MYO18B: variants seen among roughly 807,000 people sequenced by gnomAD.
MYO18B encodes the protein myosin XVIIIB.
In MYO18B, 204 loss-of-function variants were observed where a neutral mutation model predicts 273.0. That is an observed-to-expected ratio of 0.75 (90% CI 0.67 to 0.84). MYO18B has a LOEUF of 0.84. MYO18B is among the 40% of genes least tolerant of loss of function. The pLI, the probability that MYO18B is intolerant of heterozygous loss-of-function variation, is 0.00. For missense variants in MYO18B, 3,212 were observed against 3,287.6 expected (o/e 0.98, Z 0.56); for synonymous variants, 1,330 against 1,305.7 (o/e 1.02, Z -0.40).
At chr22:25,758,945 G>A (rs975526476) in intron 1 of MYO18B, among the ~76,000 whole-genome samples, 4 of 151,972 alleles carry the variant, frequency 2.6e-5, no homozygotes, top group Non-Finnish European at 4.4e-5. Flanking sequence ...TAGTAGAGAC[G>A]GAGTTTCACC....
At chr22:25,814,146 T>C (rs560931250) in intron 12 of MYO18B, among the ~76,000 whole-genome samples, 1 of 152,220 alleles carries the variant, frequency 6.6e-6, no homozygotes, top group East Asian at 1.9e-4. Context: ...TTAGGACACC[T>C]GCGGGACCCT....
intron 11 of MYO18B, among the ~76,000 whole-genome samples, chr22:25,787,028 A>T (rs896715420): frequency 6.6e-6 from 1 of 152,170 alleles, no homozygotes; most frequent in Non-Finnish European, 1.5e-5. Context: ...AGCCTGGCCA[A>T]CATGGTGAAA....
chr22:25,952,271 C>T lies in MYO18B; in HGVS notation c.5833-15C>T, dbSNP rs188275730. On this transcript the variant is annotated splice_polypyrimidine_tract_variant and intron_variant, in intron 37 of 43. Transcript: ENST00000335473. ...GGGACAACAGATGTCCAATAGACTT[C>T]TCTCATACTTACAGCTGCAGGTGGC... 19 of 1,606,516 alleles carry T rather than the reference C, an allele frequency of 1.2e-5. 1 individual carries two copies. Among genetic ancestry groups the T allele is most frequent in the Middle Eastern group, 1.9e-4 (1 of 5,132 alleles).
intron 39 of MYO18B, among the ~76,000 whole-genome samples, chr22:25,963,400 C>T (rs1001216166): frequency 1.3e-5 from 2 of 151,466 alleles, no homozygotes; most frequent in African/African-American, 4.9e-5. Context: ...TCCTTCCTTC[C>T]CCTGGTGGCT....
chr22:25,819,844 T>A (rs1489405383), intron 12 of MYO18B, among the ~76,000 whole-genome samples: 1 of 151,770 alleles, frequency 6.6e-6, no homozygotes, highest in Non-Finnish European at 1.5e-5. Flanking sequence ...AGATTTTTAA[T>A]CTATAAAATG....
In MYO18B at chr22:26,007,127, G is replaced by A. The variant is rs561417638; in HGVS notation, c.6470+2272G>A. Reference sequence around the variant, plus strand: ...AAGTGCTTGCACCAAGAACAGGGAGGGGGCAGGAGGCAAGGGAGATACTTA... The same window carrying A: ...AAGTGCTTGCACCAAGAACAGGGAGAGGGCAGGAGGCAAGGGAGATACTTA... On this transcript the variant is annotated intron_variant, in intron 42 of 43. Coordinates refer to ENST00000335473, the MANE Select transcript of MYO18B (RefSeq NM_032608.7). 1.1e-4 allele frequency among the ~76,000 whole-genome samples: 17 copies of A among 152,304 alleles called. No homozygotes were observed. In the East Asian group the frequency reaches 3.3e-3, roughly 29 times the overall value.
chr22:25,960,383 T>C (rs989948721), intron 39 of MYO18B, among the ~76,000 whole-genome samples: 1 of 152,106 alleles, frequency 6.6e-6, no homozygotes, highest in Non-Finnish European at 1.5e-5. Flanking sequence ...AAGCTGGAAG[T>C]CCTGATGCTG....
intron 12 of MYO18B, among the ~76,000 whole-genome samples, chr22:25,800,498 G>A (rs2088145297): frequency 6.6e-6 from 1 of 152,198 alleles, no homozygotes; most frequent in African/African-American, 2.4e-5. Context: ...TTTGGGGAAG[G>A]ACCCCAGAAG....
the MYO18B span, among the ~76,000 whole-genome samples, chr22:26,062,427 G>A: frequency 4.6e-5 from 7 of 152,072 alleles, no homozygotes; most frequent in Non-Finnish European, 1.0e-4. Flanking sequence ...TGGCTATCAG[G>A]TATGAAGAAG....
At chr22:26,011,412 G>A (rs990254160) in intron 42 of MYO18B, among the ~76,000 whole-genome samples, 6 of 152,148 alleles carry the variant, frequency 3.9e-5, no homozygotes, top group Admixed American at 6.5e-5. Context: ...GAACATGAAG[G>A]GAGGAGGGGT....
chr22:25,839,716 G>A (rs2090026054), intron 17 of MYO18B, among the ~76,000 whole-genome samples: 1 of 152,174 alleles, frequency 6.6e-6, no homozygotes, highest in African/African-American at 2.4e-5. Flanking sequence ...GTATGATACG[G>A]GCTCAAGAGT....
rs2072004 is a variant in MYO18B at position 25,898,157 on chromosome 22, T to A, written c.4669-150T>A. On this transcript the variant is annotated intron_variant, in intron 28 of 43. Transcript: ENST00000335473. ...AAAAGTAGCTTCCTGGAGGTGACCC[T>A]GGAGGAAGGTAGTCAAGACAGGGTC... 0.14 allele frequency: 111,993 copies of A among 793,666 alleles called. 9,825 individuals are homozygous for A. Among genetic ancestry groups the A allele is most frequent in the East Asian group, 0.33 (11,821 of 35,518 alleles). 49.2% of individuals were successfully genotyped at this position (793,666 alleles called of 1,614,324 possible).
chr22:25,756,436 C>T (rs1399523772), intron 1 of MYO18B: 1 of 152,198 alleles, frequency 6.6e-6, no homozygotes, highest in African/African-American at 2.4e-5. Flanking sequence ...GCTGAGGTCT[C>T]AGCTAGTGAC....
In MYO18B at chr22:25,785,466, C is replaced by G. The variant is rs774041076; in HGVS notation, c.2351C>G (p.Ser784Cys). The change falls in exon 11 of 44, where the codon TCC (serine) becomes TGC (cysteine). Residue 784 changes from serine to cysteine, a missense_variant. Transcript: ENST00000335473. The part of the protein sequence containing the change: ...LNLHQMADSS[S>C]FGMGVWSKPE... ...CTGCACCAGATGGCAGATAGCAGCT[C>G]CTTTGGCATGGGCGTGTGGTCCAAG... 6.2e-7 allele frequency: 1 copy of G among 1,612,300 alleles called. No homozygotes were observed. The highest frequency in any genetic ancestry group is 1.1e-5 in the South Asian group (1 of 90,410).
chr22:25,832,835 C>T (rs928993507), intron 15 of MYO18B, 82 bp from the exon 16 acceptor site: 17 of 1,274,382 alleles, frequency 1.3e-5, no homozygotes, highest in Admixed American at 1.9e-5. Context: ...TGGAAATCCT[C>T]TCCGCTTTTT....
At chr22:26,028,438 G>A (rs16981230) in intron 43 of MYO18B, 16,740 of 152,022 alleles carry the variant, frequency 0.11, 1,133 homozygotes, top group African/African-American at 0.19. Flanking sequence ...CAGAATAGTG[G>A]AGTCCACTTG....
intron 9 of MYO18B, among the ~76,000 whole-genome samples, chr22:25,780,454 G>C (rs1418583685): frequency 6.6e-6 from 1 of 151,900 alleles, no homozygotes; most frequent in Non-Finnish European, 1.5e-5. Flanking sequence ...GCCAAGTGTG[G>C]TGGCAGGTGC....
In MYO18B at chr22:25,878,378, A is replaced by T. The variant is rs117506815; in HGVS notation, c.4314+330A>T. Among the ~76,000 whole-genome samples, 32 of 152,372 alleles carry T rather than the reference A, an allele frequency of 2.1e-4. No individual in the cohort carries two copies. The East Asian group carries it at 6.0e-3, about 28-fold the overall frequency. Reference sequence around the variant, plus strand: ...AAATGATAAATTTGACTATATTAAAATAATGAACTTTTGTTTATCAGGGCA... The same window carrying T: ...AAATGATAAATTTGACTATATTAAATTAATGAACTTTTGTTTATCAGGGCA... On this transcript the variant is annotated intron_variant, in intron 25 of 43. Transcript: ENST00000335473.
chr22:25,952,322 C>T lies in MYO18B; in HGVS notation c.5869C>T (p.Gln1957Ter), dbSNP rs1324080523. 2 of 1,611,638 alleles carry T rather than the reference C, an allele frequency of 1.2e-6. No individual in the cohort carries two copies. Among genetic ancestry groups the T allele is most frequent in the Non-Finnish European group, 1.7e-6 (2 of 1,178,980 alleles). The change falls in exon 38 of 44, where the codon CAG becomes TAG. Residue 1957 changes from glutamine (Q) to a stop codon, truncating the protein, a stop_gained. Coordinates refer to ENST00000335473, the MANE Select transcript of MYO18B (RefSeq NM_032608.7). LOFTEE classifies it high-confidence loss of function. ...TCAGATGCGCATCGAGTACCTGGAA[C>T]AGTCCACCGTGGATCGAGCCATCGT... ...VAQMRIEYLE[Q>*]STVDRAIVSR...
Sources: allele counts gnomAD v4.1 joint callset (sites outside exome capture counted in the v4.1 genomes callset), GRCh38; gene constraint gnomAD v4.1.1; transcripts MANE v1.5; gene names NCBI Gene and HGNC (gene_info 2026-07-23, HGNC 2026-07-21).